SLC35F1: variants seen among roughly 807,000 people sequenced by gnomAD.
SLC35F1 encodes solute carrier family 35 member F1.
In SLC35F1, 14 loss-of-function variants were observed where a neutral mutation model predicts 48.7. The ratio of observed to expected loss-of-function variants is 0.29; its 90% CI spans 0.19 to 0.45. The LOEUF (loss-of-function observed/expected upper bound fraction) is 0.45. Among genes scored for constraint, SLC35F1 ranks in the 20% least tolerant of loss-of-function variants. The probability of loss-of-function intolerance (pLI) is 1.00; values close to 1 mark genes in which losing one functional copy is unlikely to be tolerated. For synonymous variants in SLC35F1, 190 were observed against 202.2 expected (o/e 0.94, Z 0.51); for missense variants, 404 against 500.0 (o/e 0.81, Z 1.83).
At chr6:118,259,003 A>G (rs1775679874) in intron 3 of SLC35F1, among the ~76,000 whole-genome samples, 1 of 151,886 alleles carries the variant, frequency 6.6e-6, no homozygotes, top group Admixed American at 6.6e-5. Flanking sequence ...AAATGAGCTT[A>G]TAAATAAATA....
chr6:117,968,243 C>T (rs1350176975), intron 1 of SLC35F1, among the ~76,000 whole-genome samples: 1 of 152,066 alleles, frequency 6.6e-6, no homozygotes, highest in Non-Finnish European at 1.5e-5. Flanking sequence ...AAATAATAAA[C>T]CTTGCCAGAT....
intron 1 of SLC35F1, among the ~76,000 whole-genome samples, chr6:118,131,210 T>C (rs1210198415): frequency 6.6e-6 from 1 of 151,944 alleles, no homozygotes; most frequent in Admixed American, 6.6e-5. Context: ...AATTTTTTTA[T>C]TGATTCATCA....
chr6:118,296,707 G>T (rs936026743), intron 7 of SLC35F1, among the ~76,000 whole-genome samples: 6 of 152,192 alleles, frequency 3.9e-5, no homozygotes, highest in African/African-American at 1.4e-4. Flanking sequence ...GATTGAACGG[G>T]CTAGAGGTAC....
intron 1 of SLC35F1, among the ~76,000 whole-genome samples, chr6:118,024,251 T>G (rs1392500375): frequency 6.6e-6 from 1 of 152,174 alleles, no homozygotes; most frequent in Admixed American, 6.5e-5. Flanking sequence ...CTCTGTTAAC[T>G]TCCCGTCATA....
chr6:118,224,640 TC>T (rs1376621500), intron 2 of SLC35F1, among the ~76,000 whole-genome samples: 1 of 152,224 alleles, frequency 6.6e-6, no homozygotes, highest in African/African-American at 2.4e-5. Flanking sequence ...TGAATTGATT[TC>T]TAGGTATTAT....
chr6:118,230,365 A>G (rs1386126760), intron 2 of SLC35F1, among the ~76,000 whole-genome samples: 1 of 152,122 alleles, frequency 6.6e-6, no homozygotes, highest in Non-Finnish European at 1.5e-5. Flanking sequence ...GAAAAACAAG[A>G]AATATATGTC....
intron 1 of SLC35F1, among the ~76,000 whole-genome samples, chr6:118,007,928 C>A (rs1274408457): frequency 6.6e-6 from 1 of 152,138 alleles, no homozygotes; most frequent in East Asian, 1.9e-4. Context: ...CGGTTCCTTG[C>A]AGCCATACGA....
chr6:117,965,577 G>A (rs1034126200), intron 1 of SLC35F1, among the ~76,000 whole-genome samples: 3 of 152,206 alleles, frequency 2.0e-5, no homozygotes, highest in African/African-American at 7.2e-5. Flanking sequence ...TCTGGACCAT[G>A]AGGTTGATTC....
chr6:117,988,094 A>T (rs972480377), intron 1 of SLC35F1, among the ~76,000 whole-genome samples: 1 of 151,956 alleles, frequency 6.6e-6, no homozygotes, highest in African/African-American at 2.4e-5. Context: ...GACACACATT[A>T]CTCCTTGAGA....
intron 1 of SLC35F1, among the ~76,000 whole-genome samples, chr6:118,120,158 A>C (rs1025934602): frequency 1.1e-4 from 16 of 152,212 alleles, no homozygotes; most frequent in Non-Finnish European, 1.2e-4. Context: ...AATTATATTC[A>C]GAGAAAAACT....
intron 2 of SLC35F1, among the ~76,000 whole-genome samples, chr6:118,190,196 T>C (rs1774713261): frequency 6.6e-6 from 1 of 152,172 alleles, no homozygotes; most frequent in African/African-American, 2.4e-5. Flanking sequence ...TGGAACCCAC[T>C]GGGAAACAGT....
chr6:117,943,521 T>G (rs1052650468), intron 1 of SLC35F1, among the ~76,000 whole-genome samples: 1 of 152,224 alleles, frequency 6.6e-6, no homozygotes, highest in African/African-American at 2.4e-5. Context: ...TTGATACCAT[T>G]GTGAAATTTT....
chr6:118,143,647 A>G (rs1205105676), intron 1 of SLC35F1, among the ~76,000 whole-genome samples: 2 of 152,188 alleles, frequency 1.3e-5, no homozygotes, highest in Non-Finnish European at 2.9e-5. Context: ...GTTTTTTTCT[A>G]AATGTATCAT....
chr6:118,117,948 C>T (rs759830345), intron 1 of SLC35F1, among the ~76,000 whole-genome samples: 4 of 152,152 alleles, frequency 2.6e-5, no homozygotes, highest in Admixed American at 1.3e-4. Context: ...TTTCATGATA[C>T]GAATATAGCA....
intron 7 of SLC35F1, among the ~76,000 whole-genome samples, chr6:118,294,050 G>A (rs1346596882): frequency 6.6e-6 from 1 of 152,164 alleles, no homozygotes; most frequent in Non-Finnish European, 1.5e-5. Context: ...AGGGGATTAA[G>A]TTAGATAATG....
At chr6:118,085,659 CTT>C (rs947321711) in intron 1 of SLC35F1, among the ~76,000 whole-genome samples, 4 of 151,550 alleles carry the variant, frequency 2.6e-5, no homozygotes, top group African/African-American at 9.7e-5. Flanking sequence ...TCTATCTTGT[CTT>C]TAAGATATGT....
At chr6:118,228,409 A>T (rs1775246697) in intron 2 of SLC35F1, among the ~76,000 whole-genome samples, 1 of 152,128 alleles carries the variant, frequency 6.6e-6, no homozygotes, top group African/African-American at 2.4e-5. Flanking sequence ...AAATTCACTG[A>T]TAAGTAAAAC....
At chr6:118,063,399 G>C (rs1382326562) in intron 1 of SLC35F1, among the ~76,000 whole-genome samples, 2 of 146,462 alleles carry the variant, frequency 1.4e-5, no homozygotes, top group African/African-American at 2.4e-5. Context: ...TAAGGCACCA[G>C]ATAAAGGGGC....
chr6:118,216,803 A>C (rs1775079525), intron 2 of SLC35F1, among the ~76,000 whole-genome samples: 1 of 152,188 alleles, frequency 6.6e-6, no homozygotes, highest in Non-Finnish European at 1.5e-5. Context: ...TGGAAGTATC[A>C]CATGGATATA....
Sources: gnomAD v4.1 joint callset for allele counts (sites outside exome capture counted in the v4.1 genomes callset) on GRCh38, gnomAD v4.1.1 for gene constraint, MANE v1.5 for transcripts, NCBI Gene and HGNC (gene_info 2026-07-23, HGNC 2026-07-21) for gene names.